Variants in NUP210L observed in about 807,000 individuals in gnomAD.
NUP210L encodes nucleoporin 210 like.
In NUP210L, 74 loss-of-function variants were observed where a neutral mutation model predicts 208.5. That is an observed-to-expected ratio of 0.35 (90% CI 0.29 to 0.43). NUP210L has a LOEUF of 0.43. Ranked by LOEUF, NUP210L falls within the 20% of genes least tolerant of loss-of-function variation. The probability of loss-of-function intolerance (pLI) is 1.00; values close to 1 mark genes in which losing one functional copy is unlikely to be tolerated. For synonymous variants in NUP210L, 780 were observed against 816.9 expected, an observed-to-expected ratio of 0.95 and a Z score of 0.77; for missense variants, 1,843 against 2,289.4, an observed-to-expected ratio of 0.81 and a Z score of 3.98.
intron 16 of NUP210L, among the ~76,000 whole-genome samples, chr1:154,088,328 C>CA (rs749528698): frequency 1.4e-3 from 146 of 108,082 alleles, no homozygotes; most frequent in East Asian, 7.1e-3. Flanking sequence ...GACCCTGTCT[C>CA]AAAAAAAAAA....
intron 27 of NUP210L, among the ~76,000 whole-genome samples, chr1:154,031,117 C>A (rs960444826): frequency 3.3e-5 from 5 of 152,066 alleles, no homozygotes; most frequent in African/African-American, 1.2e-4. Context: ...GAGATGGAGT[C>A]TTGTTCTGTT....
chr1:154,073,853 TA>T (rs1380093761), intron 16 of NUP210L, among the ~76,000 whole-genome samples: 4 of 150,954 alleles, frequency 2.6e-5, no homozygotes, highest in Non-Finnish European at 4.4e-5. Context: ...AATAAATAAA[TA>T]AATAAATTCA....
intron 7 of NUP210L, among the ~76,000 whole-genome samples, chr1:154,134,973 G>A (rs1658462023): frequency 6.6e-6 from 1 of 151,470 alleles, no homozygotes; most frequent in Middle Eastern, 3.2e-3. Context: ...CCCGACCTCA[G>A]GTGATCAGCC....
intron 27 of NUP210L, among the ~76,000 whole-genome samples, chr1:154,042,745 A>T (rs1369322384): frequency 7.2e-6 from 1 of 139,620 alleles, no homozygotes; most frequent in African/African-American, 2.7e-5. Flanking sequence ...TCTTGAGACA[A>T]GGTCTCACTC....
At chr1:154,140,064 C>G (rs1221834974) in intron 4 of NUP210L, 112 bp from the exon 5 acceptor site, 8 of 846,292 alleles carry the variant, frequency 9.5e-6, no homozygotes, top group Non-Finnish European at 1.5e-5. Context: ...ATGTAAAACA[C>G]TTTTGACTGG....
chr1:154,087,390 T>G (rs1340345027), intron 16 of NUP210L, among the ~76,000 whole-genome samples: 1 of 149,738 alleles, frequency 6.7e-6, no homozygotes, highest in East Asian at 1.9e-4. Context: ...CACAATGAGA[T>G]ACCACTTTAT....
At chr1:154,141,209 A>G (rs1035158751) in intron 4 of NUP210L, among the ~76,000 whole-genome samples, 9 of 152,192 alleles carry the variant, frequency 5.9e-5, no homozygotes, top group African/African-American at 1.7e-4. Context: ...TACTTAGCCC[A>G]TGAACTCCTC....
rs187453736 is a variant in NUP210L, at chr1:153,993,503, T to G, written c.5492-414A>C. On this transcript the variant is annotated intron_variant, in intron 38 of 39. Transcript: ENST00000368559. The stretch of plus-strand genomic sequence containing the variant: ...ATGGTGTGAACCTGGGAGGCGGAGC[T>G]TGTAGTGAGCTGAGATCGTGCCACT... Among the ~76,000 whole-genome samples the G allele has an allele frequency of 2.1e-3, 325 of 151,446 alleles. 5 individuals carry two copies. The highest frequency in any genetic ancestry group is 4.1e-4 in the Non-Finnish European group (28 of 67,892).
At chr1:154,154,884 C>A in exon 1 of NUP210L, 3 of 1,614,234 alleles carry the variant, frequency 1.9e-6, no homozygotes, top group Non-Finnish European at 2.5e-6. Flanking sequence ...GAAAGGCACC[C>A]GGCCTGGCTC....
At chr1:154,067,606 A>T (rs1231798052) in intron 17 of NUP210L, among the ~76,000 whole-genome samples, 2 of 152,206 alleles carry the variant, frequency 1.3e-5, no homozygotes. Flanking sequence ...ACAATCAGGC[A>T]AGAGAAAGAA....
intron 24 of NUP210L, 70 bp from the exon 25 acceptor site, chr1:154,054,477 T>C (rs1046971412): frequency 2.7e-6 from 4 of 1,488,140 alleles, no homozygotes; most frequent in East Asian, 2.3e-5. Flanking sequence ...CCCAACATTT[T>C]GTCCAAGCAA....
chr1:153,999,219 TG>T (rs371161455), intron 37 of NUP210L, among the ~76,000 whole-genome samples: 4 of 152,126 alleles, frequency 2.6e-5, no homozygotes, highest in Admixed American at 6.6e-5. Flanking sequence ...CCTTGAGGGG[TG>T]GGGAAGTGGG....
chr1:154,103,728 A>G (rs1453522310), intron 13 of NUP210L, among the ~76,000 whole-genome samples: 1 of 152,108 alleles, frequency 6.6e-6, no homozygotes, highest in Admixed American at 6.5e-5. Flanking sequence ...CTCAAAAAAC[A>G]AAAACAAACA....
intron 25 of NUP210L, among the ~76,000 whole-genome samples, chr1:154,048,780 T>C (rs899725852): frequency 1.3e-4 from 20 of 152,302 alleles, no homozygotes; most frequent in Admixed American, 3.3e-4. Flanking sequence ...TACTTCTAGG[T>C]AGATCTAGTT....
chr1:154,112,451 T>C (rs537775305), intron 12 of NUP210L, among the ~76,000 whole-genome samples: 3 of 152,238 alleles, frequency 2.0e-5, no homozygotes, highest in Non-Finnish European at 2.9e-5. Flanking sequence ...ACTGGAATGT[T>C]TGTAACACAA....
At chr1:154,036,427 T>C (rs1054124779) in intron 27 of NUP210L, among the ~76,000 whole-genome samples, 3 of 145,140 alleles carry the variant, frequency 2.1e-5, no homozygotes, top group African/African-American at 7.6e-5. Flanking sequence ...TGCAATGGTG[T>C]GATCTTGGCT....
At chr1:154,117,603 T>C (rs1266184538) in intron 12 of NUP210L, 122 bp downstream of exon 12, 3 of 754,718 alleles carry the variant, frequency 4.0e-6, no homozygotes, top group Non-Finnish European at 6.3e-6. Flanking sequence ...AAGTATTTCT[T>C]GACTGAATGT....
chr1:154,085,588 C>T (rs1440057846), intron 16 of NUP210L, among the ~76,000 whole-genome samples: 1 of 152,056 alleles, frequency 6.6e-6, no homozygotes, highest in African/African-American at 2.4e-5. Context: ...TCAATGCAAT[C>T]CCTATCAAAA....
chr1:154,136,137 G>C (rs1012852564), intron 6 of NUP210L, among the ~76,000 whole-genome samples, 165 bp from the exon 7 acceptor site: 3 of 152,302 alleles, frequency 2.0e-5, no homozygotes, highest in South Asian at 2.1e-4. Flanking sequence ...GTAACCATTT[G>C]GGGGGAGTAT....
Sources: allele counts gnomAD v4.1 joint callset (sites outside exome capture counted in the v4.1 genomes callset), GRCh38; gene constraint gnomAD v4.1.1; transcripts MANE v1.5; gene names NCBI Gene and HGNC (gene_info 2026-07-23, HGNC 2026-07-21).